Variants in LRP1B observed in about 807,000 individuals in gnomAD.
LRP1B encodes the protein low-density lipoprotein receptor-related protein 1B.
LRP1B carries 217 observed loss-of-function variants against 556.6 expected under a neutral mutation model. That is an observed-to-expected ratio of 0.39 (90% CI 0.35 to 0.44). The LOEUF (loss-of-function observed/expected upper bound fraction) is 0.44. Ranked by LOEUF, LRP1B falls within the 20% of genes least tolerant of loss-of-function variation. The pLI is 1.00. For synonymous variants in LRP1B, 2,047 were observed against 1,865.8 expected, an observed-to-expected ratio of 1.10 and a Z score of -2.50; for missense variants, 5,053 against 5,620.8, an observed-to-expected ratio of 0.90 and a Z score of 3.23.
At chr2:141,084,728 C>T (rs1476694608) in intron 7 of LRP1B, among the ~76,000 whole-genome samples, 1 of 151,232 alleles carries the variant, frequency 6.6e-6, no homozygotes, top group Non-Finnish European at 1.5e-5. Flanking sequence ...CGGCTCACTG[C>T]AAGCTCCGCT....
At chr2:141,496,561 G>A (rs988394243) in intron 2 of LRP1B, among the ~76,000 whole-genome samples, 1 of 151,962 alleles carries the variant, frequency 6.6e-6, no homozygotes, top group Non-Finnish European at 1.5e-5. Context: ...AATTAAACAC[G>A]ATGTCGCTTA....
At chr2:141,990,231 A>G (rs1009933231) in intron 1 of LRP1B, among the ~76,000 whole-genome samples, 1 of 152,128 alleles carries the variant, frequency 6.6e-6, no homozygotes, top group African/African-American at 2.4e-5. Flanking sequence ...AATAAAGTCT[A>G]TAATCAGATA....
chr2:141,199,524 C>T (rs913505329), intron 6 of LRP1B, among the ~76,000 whole-genome samples: 2 of 152,082 alleles, frequency 1.3e-5, no homozygotes, highest in South Asian at 4.1e-4. Context: ...CCTAAACTCC[C>T]TGTTCTAATA....
intron 41 of LRP1B, among the ~76,000 whole-genome samples, chr2:140,642,798 C>T (rs1684347745): frequency 6.6e-6 from 1 of 152,104 alleles, no homozygotes; most frequent in Admixed American, 6.6e-5. Context: ...GAGCCGAGAT[C>T]GCGCCACTGC....
At chr2:141,501,299 C>G (rs2105132533) in intron 2 of LRP1B, among the ~76,000 whole-genome samples, 1 of 152,144 alleles carries the variant, frequency 6.6e-6, no homozygotes, top group African/African-American at 2.4e-5. Context: ...TGGTATACCT[C>G]AAGAACATAA....
intron 1 of LRP1B, among the ~76,000 whole-genome samples, chr2:141,892,966 G>C (rs1699336078): frequency 6.6e-6 from 1 of 152,012 alleles, no homozygotes; most frequent in Non-Finnish European, 1.5e-5. Flanking sequence ...ATTTGCTTTA[G>C]TGATTGGAAG....
intron 86 of LRP1B, among the ~76,000 whole-genome samples, chr2:140,264,955 T>C (rs906373650): frequency 1.5e-5 from 2 of 134,980 alleles, no homozygotes; most frequent in African/African-American, 2.5e-5. Flanking sequence ...TGCTGTGTTA[T>C]GCAGTGAGTA....
rs548955991 is a variant in LRP1B, at chr2:141,554,746, G to T, written c.206-74213C>A. On this transcript the variant is annotated intron_variant, in intron 2 of 90. Coordinates refer to ENST00000389484, the MANE Select transcript of LRP1B (RefSeq NM_018557.3). ...CTAGATTTAATTTAGTTCAAAAAAT[G>T]ACTGCCTTGAATAGTCTTTTGTTCC... Among the ~76,000 whole-genome samples the T allele has an allele frequency of 2.6e-5, 4 of 152,018 alleles. No homozygotes were observed. In the South Asian group the frequency reaches 8.3e-4, roughly 32 times the overall value.
chr2:141,923,430 AAG>A (rs1462284050), intron 1 of LRP1B, among the ~76,000 whole-genome samples: 3 of 31,922 alleles, frequency 9.4e-5, no homozygotes, highest in Admixed American at 7.0e-4. Flanking sequence ...TATAGTGACA[AAG>A]AGATTATATA....
intron 2 of LRP1B, among the ~76,000 whole-genome samples, chr2:141,532,859 G>A (rs1559125038): frequency 6.6e-6 from 1 of 152,058 alleles, no homozygotes; most frequent in South Asian, 2.1e-4. Context: ...GGTGGTGCAT[G>A]CCGGTAATCC....
At chr2:140,668,875 G>C (rs555587646) in intron 41 of LRP1B, among the ~76,000 whole-genome samples, 15 of 152,266 alleles carry the variant, frequency 9.9e-5, no homozygotes, top group African/African-American at 3.4e-4. Context: ...TCTCTCACAA[G>C]AGAAAATGTA....
At chr2:140,326,463 C>A (rs907393059) in intron 79 of LRP1B, among the ~76,000 whole-genome samples, 1 of 152,080 alleles carries the variant, frequency 6.6e-6, no homozygotes, top group African/African-American at 2.4e-5. Flanking sequence ...TGGTGGCTCA[C>A]GCCTGTAATC....
chr2:140,651,823 A>G (rs1684699804), intron 41 of LRP1B, among the ~76,000 whole-genome samples: 1 of 152,154 alleles, frequency 6.6e-6, no homozygotes, highest in Non-Finnish European at 1.5e-5. Flanking sequence ...TGAACAGCAA[A>G]TGATATACTT....
chr2:140,594,986 G>A (rs978714824), intron 43 of LRP1B, among the ~76,000 whole-genome samples: 1 of 150,324 alleles, frequency 6.7e-6, no homozygotes, highest in Non-Finnish European at 1.5e-5. Flanking sequence ...GTTTTTACCT[G>A]TCACACATTT....
chr2:140,517,403 T>C (rs1689954163), intron 49 of LRP1B, among the ~76,000 whole-genome samples: 1 of 152,128 alleles, frequency 6.6e-6, no homozygotes, highest in Non-Finnish European at 1.5e-5. Context: ...CTTAATTCCA[T>C]ATTCATAGCA....
chr2:141,177,435 A>G (rs1340122891), intron 7 of LRP1B, among the ~76,000 whole-genome samples: 1 of 152,156 alleles, frequency 6.6e-6, no homozygotes, highest in African/African-American at 2.4e-5. Flanking sequence ...TTGGGTAACT[A>G]TAAATGGAAA....
chr2:140,528,786 AT>A (rs1690552957), intron 47 of LRP1B, among the ~76,000 whole-genome samples: 1 of 152,018 alleles, frequency 6.6e-6, no homozygotes. Flanking sequence ...GAAAAAAAAA[AT>A]CTACAGAAAT....
chr2:140,860,607 T>G (rs2105139757), intron 27 of LRP1B, among the ~76,000 whole-genome samples: 1 of 151,896 alleles, frequency 6.6e-6, no homozygotes, highest in Non-Finnish European at 1.5e-5. Flanking sequence ...TTGGTGAAAA[T>G]CTAACAGATA....
At chr2:141,860,851 A>T (rs1431707390) in intron 1 of LRP1B, among the ~76,000 whole-genome samples, 1 of 152,174 alleles carries the variant, frequency 6.6e-6, no homozygotes, top group Non-Finnish European at 1.5e-5. Flanking sequence ...TGAGATAAAA[A>T]ATCTTTACAT....
Sources: gnomAD v4.1 joint callset for allele counts (sites outside exome capture counted in the v4.1 genomes callset) on GRCh38, gnomAD v4.1.1 for gene constraint, MANE v1.5 for transcripts, NCBI Gene and HGNC (gene_info 2026-07-23, HGNC 2026-07-21) for gene names.